Variants in SLC4A4 observed in about 807,000 individuals in gnomAD.
SLC4A4 encodes solute carrier family 4 member 4.
A neutral mutation model predicts 111.5 loss-of-function variants in SLC4A4; 27 were observed. The observed-to-expected ratio is 0.24, with a 90% CI of 0.18 to 0.33. SLC4A4 has a LOEUF of 0.33. SLC4A4 is among the 10% of genes least tolerant of loss of function. SLC4A4 has a pLI of 1.00. For synonymous variants in SLC4A4, 443 were observed against 463.4 expected (o/e 0.96, Z 0.57); for missense variants, 909 against 1,315.5 (o/e 0.69, Z 4.78).
At chr4:71,252,092 GA>G (rs1274839430) in intron 2 of SLC4A4, among the ~76,000 whole-genome samples, 1 of 152,102 alleles carries the variant, frequency 6.6e-6, no homozygotes, top group African/African-American at 2.4e-5. Context: ...AACAGGTAAA[GA>G]GATTTTAATG....
intron 7 of SLC4A4, among the ~76,000 whole-genome samples, chr4:71,427,381 A>G (rs1723243087): frequency 6.6e-6 from 1 of 152,098 alleles, no homozygotes; most frequent in Non-Finnish European, 1.5e-5. Flanking sequence ...TGACTTTAAC[A>G]AGTCAATGAT....
intron 4 of SLC4A4, among the ~76,000 whole-genome samples, chr4:71,347,602 A>G (rs1729439457): frequency 6.6e-6 from 1 of 152,206 alleles, no homozygotes; most frequent in South Asian, 2.1e-4. Flanking sequence ...CTTGGGGGAT[A>G]GGATTTCAAT....
At chr4:71,216,280 A>AT (rs1471816989) in intron 1 of SLC4A4, among the ~76,000 whole-genome samples, 1 of 151,978 alleles carries the variant, frequency 6.6e-6, no homozygotes, top group Non-Finnish European at 1.5e-5. Context: ...CTGAAATAAC[A>AT]TTTTTTTCTT....
chr4:71,523,952 T>A (rs1235936585), intron 16 of SLC4A4, among the ~76,000 whole-genome samples: 1 of 152,074 alleles, frequency 6.6e-6, no homozygotes, highest in East Asian at 1.9e-4. Context: ...ACATGTGAGC[T>A]TCATGCTGCT....
intron 1 of SLC4A4, among the ~76,000 whole-genome samples, chr4:71,069,286 C>G (rs1230611941): frequency 6.6e-6 from 1 of 152,174 alleles, no homozygotes; most frequent in East Asian, 1.9e-4. Context: ...AGACTTTGTA[C>G]TTTTCTGCCT....
intron 3 of SLC4A4, among the ~76,000 whole-genome samples, chr4:71,311,922 A>AGAGAGAGAGAGAGAGAGAGAGAGAGAGG: frequency 6.6e-6 from 1 of 150,932 alleles, no homozygotes; most frequent in Non-Finnish European, 1.5e-5. Flanking sequence ...AGAGAGAGAG[A>AGAGAGAGAGAGAGAGAGAGAGAGAGAGG]GAGAGAGAGA....
intron 18 of SLC4A4, among the ~76,000 whole-genome samples, chr4:71,541,737 G>A (rs1002627203): frequency 6.6e-6 from 1 of 151,816 alleles, no homozygotes; most frequent in African/African-American, 2.4e-5. Flanking sequence ...GAGGTGGGTG[G>A]GGGGAGCTGA....
intron 2 of SLC4A4, among the ~76,000 whole-genome samples, chr4:71,174,992 G>A (rs566003548): frequency 6.6e-6 from 1 of 152,340 alleles, no homozygotes; most frequent in South Asian, 2.1e-4. Flanking sequence ...TATGAAAGGG[G>A]TTAGACATTC....
At chr4:71,207,049 A>C (rs1717815781) in intron 1 of SLC4A4, among the ~76,000 whole-genome samples, 1 of 152,174 alleles carries the variant, frequency 6.6e-6, no homozygotes, top group Non-Finnish European at 1.5e-5. Flanking sequence ...GTAATCTTAT[A>C]AGGTTGTAAT....
At chr4:71,243,766 T>G (rs1314708722) in intron 2 of SLC4A4, among the ~76,000 whole-genome samples, 1 of 152,208 alleles carries the variant, frequency 6.6e-6, no homozygotes, top group East Asian at 1.9e-4. Context: ...GGTAAATTGT[T>G]TCTGCCTTTC....
At chr4:71,566,045 C>T (rs1479941014) in intron 24 of SLC4A4, among the ~76,000 whole-genome samples, 1 of 151,856 alleles carries the variant, frequency 6.6e-6, no homozygotes, top group Non-Finnish European at 1.5e-5. Context: ...GAAGGAATTA[C>T]ACAAAGTCAT....
rs1330657812 is a variant in SLC4A4, at chr4:71,236,863, G to A, written c.73+214G>A. Among the ~76,000 whole-genome samples the A allele has an allele frequency of 6.6e-5, 10 of 152,090 alleles. 1 individual carries two copies. Among genetic ancestry groups the A allele is most frequent in the Non-Finnish European group, 1.5e-4 (10 of 68,018 alleles). On this transcript the variant is annotated intron_variant, in intron 2 of 25. Coordinates refer to ENST00000264485, the MANE Select transcript of SLC4A4 (RefSeq NM_001098484.3). Reference sequence around the variant, plus strand: ...TCTGATTCAATATGGGTCTTGCCTGGTTTAAAAAAAGTCTTATTTTAAAGT... The same window carrying A: ...TCTGATTCAATATGGGTCTTGCCTGATTTAAAAAAAGTCTTATTTTAAAGT...
At chr4:71,087,071 C>T (rs1235491695) in intron 1 of SLC4A4, among the ~76,000 whole-genome samples, 2 of 151,994 alleles carry the variant, frequency 1.3e-5, no homozygotes, top group Admixed American at 1.3e-4. Flanking sequence ...TAATTAGTGC[C>T]TCAATATCAG....
intron 16 of SLC4A4, among the ~76,000 whole-genome samples, chr4:71,508,854 T>C (rs1731650776): frequency 6.6e-6 from 1 of 152,152 alleles, no homozygotes; most frequent in South Asian, 2.1e-4. Flanking sequence ...GCAAAAATCT[T>C]CAACAAAATG....
At chr4:71,375,959 T>C (rs892555143) in intron 6 of SLC4A4, among the ~76,000 whole-genome samples, 2 of 151,598 alleles carry the variant, frequency 1.3e-5, no homozygotes, top group African/African-American at 4.9e-5. Context: ...TGAAGAGCCC[T>C]AAGTGTCCCT....
At chr4:71,505,195 A>G (rs1459529454) in intron 16 of SLC4A4, among the ~76,000 whole-genome samples, 1 of 152,144 alleles carries the variant, frequency 6.6e-6, no homozygotes, top group Non-Finnish European at 1.5e-5. Context: ...GAATATATGT[A>G]TGAATGTGTC....
chr4:71,291,474 C>G (rs1724346562), intron 3 of SLC4A4, among the ~76,000 whole-genome samples: 1 of 151,812 alleles, frequency 6.6e-6, no homozygotes, highest in Non-Finnish European at 1.5e-5. Flanking sequence ...GGGTCTCACT[C>G]TGCCACCCAG....
intron 6 of SLC4A4, among the ~76,000 whole-genome samples, chr4:71,365,017 T>G (rs1379879141): frequency 6.6e-6 from 1 of 152,170 alleles, no homozygotes; most frequent in Non-Finnish European, 1.5e-5. Context: ...CTTTCTAGTA[T>G]TTTTAAATTT....
At chr4:71,144,894 C>A (rs1444032133) in intron 2 of SLC4A4, among the ~76,000 whole-genome samples, 1 of 152,122 alleles carries the variant, frequency 6.6e-6, no homozygotes, top group Non-Finnish European at 1.5e-5. Context: ...CATCTGCAAA[C>A]AGGGACAATT....
Sources: gnomAD v4.1 joint callset for allele counts (sites outside exome capture counted in the v4.1 genomes callset) on GRCh38, gnomAD v4.1.1 for gene constraint, MANE v1.5 for transcripts, NCBI Gene and HGNC (gene_info 2026-07-23, HGNC 2026-07-21) for gene names.